Variants in BNC2 observed in about 807,000 individuals in gnomAD.
BNC2 encodes zinc finger protein basonuclin-2.
In BNC2, 20 loss-of-function variants were observed where a neutral mutation model predicts 76.3. The ratio of observed to expected loss-of-function variants is 0.26; its 90% CI spans 0.18 to 0.38. BNC2 has a LOEUF of 0.38. Among genes scored for constraint, BNC2 ranks in the 10% least tolerant of loss-of-function variants. BNC2 has a pLI of 1.00. For missense variants in BNC2, 1,382 were observed against 1,399.8 expected (o/e 0.99, Z 0.20); for synonymous variants, 582 against 514.8 (o/e 1.13, Z -1.77).
At chr9:16,714,755 C>T (rs1823949125) in intron 3 of BNC2, among the ~76,000 whole-genome samples, 1 of 152,128 alleles carries the variant, frequency 6.6e-6, no homozygotes, top group African/African-American at 2.4e-5. Flanking sequence ...TTCTTGTTTC[C>T]TTTTCCCACG....
chr9:16,568,386 G>T (rs1394813799), intron 4 of BNC2, among the ~76,000 whole-genome samples: 1 of 151,934 alleles, frequency 6.6e-6, no homozygotes, highest in African/African-American at 2.4e-5. Flanking sequence ...CAAATGTCCA[G>T]GCCATAACCT....
At chr9:16,421,834 C>T (rs1820716263) in intron 6 of BNC2, among the ~76,000 whole-genome samples, 1 of 150,692 alleles carries the variant, frequency 6.6e-6, no homozygotes, top group African/African-American at 2.5e-5. Flanking sequence ...AAACTATCTG[C>T]CAACTATGAG....
chr9:16,589,361 T>C (rs1414762112), intron 3 of BNC2, among the ~76,000 whole-genome samples: 2 of 151,562 alleles, frequency 1.3e-5, no homozygotes, highest in Non-Finnish European at 2.9e-5. Context: ...AATTTTTGTA[T>C]TTTCAGTAGA....
At position 16,761,903 on chromosome 9, in the gene BNC2, C is replaced by G. The variant is rs573541179; in HGVS notation, c.4-23418G>C. On this transcript the variant is annotated intron_variant, in intron 1 of 6. Transcript: ENST00000380672. ...ACCAAGTTACATGTAAATGGTGGAGCAGAGTAATCAGTCCACAAATAAGGT... is the reference window on the plus strand; with the variant it reads ...ACCAAGTTACATGTAAATGGTGGAGGAGAGTAATCAGTCCACAAATAAGGT... 1.9e-4 allele frequency among the ~76,000 whole-genome samples: 29 copies of G among 152,126 alleles called. No homozygotes were observed. The South Asian group carries it at 5.6e-3, about 29-fold the overall frequency.
rs141150687 is a variant in BNC2 at position 16,442,934 on chromosome 9, C to T, written c.670-5410G>A. Among the ~76,000 whole-genome samples, 807 of 151,750 alleles carry T rather than the reference C, an allele frequency of 5.3e-3. 9 individuals are homozygous for T. The highest frequency in any genetic ancestry group is 0.018 in the African/African-American group (756 of 41,370). On this transcript the variant is annotated intron_variant, in intron 5 of 6. Coordinates refer to ENST00000380672, the MANE Select transcript of BNC2 (RefSeq NM_017637.6). ...CAGCCTGGCCAACACCATGAAAACC[C>T]GTCTCTACTAAAAATACAAAAAAAT...
At chr9:16,644,721 G>A (rs1356948987) in intron 3 of BNC2, among the ~76,000 whole-genome samples, 1 of 152,192 alleles carries the variant, frequency 6.6e-6, no homozygotes, top group African/African-American at 2.4e-5. Context: ...CAGAAAGACA[G>A]TAAATAAGTA....
intron 1 of BNC2, among the ~76,000 whole-genome samples, chr9:16,766,000 G>C (rs940088082): frequency 6.6e-6 from 1 of 151,990 alleles, no homozygotes; most frequent in Admixed American, 6.6e-5. Flanking sequence ...TGTTAGCCAG[G>C]ATGTTCTCGA....
chr9:16,640,169 G>A (rs1821451359), intron 3 of BNC2, among the ~76,000 whole-genome samples: 3 of 151,388 alleles, frequency 2.0e-5, no homozygotes, highest in African/African-American at 4.8e-5. Flanking sequence ...TTCAGGTTAA[G>A]AAAATTAAGC....
chr9:16,775,119 T>C (rs931799833), intron 1 of BNC2, among the ~76,000 whole-genome samples: 1 of 152,126 alleles, frequency 6.6e-6, no homozygotes, highest in African/African-American at 2.4e-5. Context: ...GAATGCAAAT[T>C]ATCAGACCCT....
At chr9:16,853,646 C>T (rs1474003715) in intron 1 of BNC2, among the ~76,000 whole-genome samples, 1 of 152,040 alleles carries the variant, frequency 6.6e-6, no homozygotes, top group East Asian at 1.9e-4. Flanking sequence ...ATGGGTCAAT[C>T]TCTTGAGGTC....
At chr9:16,828,770 T>C (rs1467052834) in intron 1 of BNC2, among the ~76,000 whole-genome samples, 4 of 152,334 alleles carry the variant, frequency 2.6e-5, no homozygotes, top group Admixed American at 6.5e-5. Context: ...ATTTCTGTCA[T>C]GCAACTTGAA....
At chr9:16,548,651 C>T (rs1393567423) in intron 5 of BNC2, among the ~76,000 whole-genome samples, 4 of 152,238 alleles carry the variant, frequency 2.6e-5, no homozygotes, top group African/African-American at 4.8e-5. Context: ...GTGATCTGCC[C>T]GCCTTGGCCT....
chr9:16,764,544 G>T (rs1166920244), intron 1 of BNC2, among the ~76,000 whole-genome samples: 1 of 152,072 alleles, frequency 6.6e-6, no homozygotes, highest in African/African-American at 2.4e-5. Flanking sequence ...AATTGTATTG[G>T]TTAATAATCA....
At chr9:16,684,873 G>C (rs368727573) in intron 3 of BNC2, among the ~76,000 whole-genome samples, 2 of 145,056 alleles carry the variant, frequency 1.4e-5, no homozygotes, top group East Asian at 2.0e-4. Flanking sequence ...CATACAAAAC[G>C]AACTGAATTT....
At chr9:16,756,411 T>A (rs1825385345) in intron 1 of BNC2, among the ~76,000 whole-genome samples, 2 of 152,170 alleles carry the variant, frequency 1.3e-5, no homozygotes, top group Non-Finnish European at 2.9e-5. Context: ...CCTCTCTCTA[T>A]TACTCTGGTA....
At chr9:16,629,449 T>C (rs572321619) in intron 3 of BNC2, among the ~76,000 whole-genome samples, 2 of 152,288 alleles carry the variant, frequency 1.3e-5, no homozygotes, top group African/African-American at 4.8e-5. Flanking sequence ...ACTTTAATGT[T>C]TGTGTGTTTG....
chr9:16,700,216 T>C (rs1380564977), intron 3 of BNC2, among the ~76,000 whole-genome samples: 1 of 152,180 alleles, frequency 6.6e-6, no homozygotes, highest in Non-Finnish European at 1.5e-5. Flanking sequence ...AATTACTTCA[T>C]TGCTATGGAT....
At position 16,464,907 on chromosome 9, in the gene BNC2, C is replaced by A. The variant is rs1821670717; in HGVS notation, c.670-27383G>T. On this transcript the variant is annotated intron_variant, in intron 5 of 6. Coordinates refer to ENST00000380672, the MANE Select transcript of BNC2 (RefSeq NM_017637.6). ...CTGTGACTGAACTATGATCTATATG[C>A]TTACACCTAAATAAATTAGGAAGTG... Among the ~76,000 whole-genome samples the A allele has an allele frequency of 3.3e-5, 5 of 152,160 alleles. 1 individual carries two copies. The South Asian group carries it at 1.0e-3, about 32-fold the overall frequency.
intron 6 of BNC2, among the ~76,000 whole-genome samples, chr9:16,424,580 T>A (rs1211040350): frequency 2.6e-5 from 4 of 152,156 alleles, no homozygotes; most frequent in Non-Finnish European, 4.4e-5. Flanking sequence ...ATACATAGCG[T>A]AACAATAACA....
Sources: allele counts gnomAD v4.1 joint callset (sites outside exome capture counted in the v4.1 genomes callset), GRCh38; gene constraint gnomAD v4.1.1; transcripts MANE v1.5; gene names NCBI Gene and HGNC (gene_info 2026-07-23, HGNC 2026-07-21).